FAF1: variants seen among roughly 807,000 people sequenced by gnomAD.
FAF1 encodes the protein FAS-associated factor 1.
In FAF1, 25 loss-of-function variants were observed where a neutral mutation model predicts 92.5. That is an observed-to-expected ratio of 0.27 (90% confidence interval 0.20 to 0.38). The LOEUF (loss-of-function observed/expected upper bound fraction) is 0.38. Among genes scored for constraint, FAF1 ranks in the 10% least tolerant of loss-of-function variants. The probability of loss-of-function intolerance (pLI) is 1.00; values close to 1 mark genes in which losing one functional copy is unlikely to be tolerated. For missense variants in FAF1, 636 were observed against 793.3 expected (o/e 0.80, Z 2.38); for synonymous variants, 234 against 273.2 (o/e 0.86, Z 1.42).
chr1:50,750,358 A>G (rs1409246571), intron 4 of FAF1, among the ~76,000 whole-genome samples: 1 of 152,248 alleles, frequency 6.6e-6, no homozygotes, highest in Non-Finnish European at 1.5e-5. Flanking sequence ...AGCATGATAA[A>G]TAAGAATTTA....
intron 17 of FAF1, among the ~76,000 whole-genome samples, chr1:50,482,836 T>G (rs1012502448): frequency 6.6e-6 from 1 of 152,226 alleles, no homozygotes; most frequent in African/African-American, 2.4e-5. Context: ...TTTTGCTCAT[T>G]TTAATACTTG....
intron 2 of FAF1, among the ~76,000 whole-genome samples, chr1:50,847,160 G>A (rs1461183176): frequency 6.6e-6 from 1 of 152,150 alleles, no homozygotes; most frequent in Non-Finnish European, 1.5e-5. Flanking sequence ...ACCTGGGATT[G>A]TGAGTTAGTC....
intron 6 of FAF1, among the ~76,000 whole-genome samples, chr1:50,726,885 A>G (rs559002360): frequency 6.6e-6 from 1 of 152,358 alleles, no homozygotes; most frequent in Non-Finnish European, 1.5e-5. Context: ...AGACATTTTC[A>G]TCACTTACTA....
At chr1:50,889,103 G>A (rs1644696392) in intron 1 of FAF1, among the ~76,000 whole-genome samples, 1 of 152,194 alleles carries the variant, frequency 6.6e-6, no homozygotes, top group African/African-American at 2.4e-5. Context: ...GAGGGTGTAT[G>A]TATCGAGGAA....
At chr1:50,771,023 T>C (rs1660756611) in intron 4 of FAF1, among the ~76,000 whole-genome samples, 2 of 152,198 alleles carry the variant, frequency 1.3e-5, no homozygotes, top group South Asian at 2.1e-4. Flanking sequence ...ATTCAATAAA[T>C]GGTGTTGGGG....
intron 7 of FAF1, among the ~76,000 whole-genome samples, chr1:50,661,305 C>T (rs370774322): frequency 1.4e-3 from 217 of 152,232 alleles, no homozygotes; most frequent in African/African-American, 5.0e-3. Context: ...CAGAACGCTA[C>T]TGTGATATAG....
intron 6 of FAF1, among the ~76,000 whole-genome samples, chr1:50,722,627 C>T (rs557760537): frequency 7.3e-5 from 10 of 136,240 alleles, no homozygotes; most frequent in African/African-American, 1.4e-4. Context: ...CCAGCCTGGG[C>T]GACAGAGAGC....
chr1:50,513,623 A>G (rs1647167471), intron 15 of FAF1, among the ~76,000 whole-genome samples: 1 of 152,200 alleles, frequency 6.6e-6, no homozygotes, highest in Non-Finnish European at 1.5e-5. Context: ...ACCATTAACT[A>G]AGTAAGTATT....
At chr1:50,575,190 G>A (rs1050743371) in intron 12 of FAF1, among the ~76,000 whole-genome samples, 3 of 152,186 alleles carry the variant, frequency 2.0e-5, no homozygotes, top group Non-Finnish European at 4.4e-5. Context: ...TTACAGGCGT[G>A]AGCCACTGCG....
chr1:50,739,327 TGTGTACAC>T (rs1027395915), intron 5 of FAF1, among the ~76,000 whole-genome samples: 4 of 152,140 alleles, frequency 2.6e-5, no homozygotes, highest in African/African-American at 7.2e-5. Context: ...CATGTGTACA[TGTGTACAC>T]GTACATGCAT....
chr1:50,923,227 T>C (rs910148988), intron 1 of FAF1, among the ~76,000 whole-genome samples: 2 of 152,114 alleles, frequency 1.3e-5, no homozygotes, highest in Non-Finnish European at 2.9e-5. Context: ...ATGACCGGCC[T>C]GGGCAATATA....
intron 15 of FAF1, among the ~76,000 whole-genome samples, chr1:50,516,857 G>A (rs924157544): frequency 3.3e-5 from 5 of 152,170 alleles, no homozygotes; most frequent in Non-Finnish European, 7.4e-5. Flanking sequence ...ACTTTGGATT[G>A]GTTGCAAAGT....
chr1:50,553,084 C>A (rs1649389010), intron 13 of FAF1, among the ~76,000 whole-genome samples: 1 of 151,884 alleles, frequency 6.6e-6, no homozygotes, highest in Admixed American at 6.6e-5. Context: ...ACCTCAAAAT[C>A]TAAACAGGAT....
intron 1 of FAF1, among the ~76,000 whole-genome samples, chr1:50,863,749 T>A (rs1644455462): frequency 6.6e-6 from 1 of 152,022 alleles, no homozygotes; most frequent in Non-Finnish European, 1.5e-5. Context: ...CCTCTTTTTC[T>A]ATTGATTGGA....
At chr1:50,620,650 T>C (rs1418731622) in intron 8 of FAF1, among the ~76,000 whole-genome samples, 3 of 152,236 alleles carry the variant, frequency 2.0e-5, no homozygotes, top group African/African-American at 7.2e-5. Context: ...CGAGAGTTCT[T>C]GTGTTGATTC....
At chr1:50,618,217 T>C (rs1653018370) in intron 8 of FAF1, among the ~76,000 whole-genome samples, 1 of 152,088 alleles carries the variant, frequency 6.6e-6, no homozygotes, top group Non-Finnish European at 1.5e-5. Flanking sequence ...TTTTAGTTTT[T>C]TTAGGTTTAA....
chr1:50,847,392 C>CA (rs756599456), intron 2 of FAF1, among the ~76,000 whole-genome samples: 7 of 125,660 alleles, frequency 5.6e-5, no homozygotes, highest in African/African-American at 1.5e-4. Context: ...GTAATTACAG[C>CA]AAAAAAAGAT....
chr1:50,501,736 A>T (rs139791650), intron 15 of FAF1, among the ~76,000 whole-genome samples: 5 of 152,258 alleles, frequency 3.3e-5, no homozygotes, highest in African/African-American at 1.2e-4. Flanking sequence ...TCTCTTATAC[A>T]CTGCTGTTGG....
chr1:50,573,109 CTTT>C, intron 12 of FAF1, among the ~76,000 whole-genome samples: 1 of 143,162 alleles, frequency 7.0e-6, no homozygotes, highest in Admixed American at 7.0e-5. Context: ...TTTTTCTTTT[CTTT>C]TTTTTTTTTT....
Sources: allele counts gnomAD v4.1 joint callset (sites outside exome capture counted in the v4.1 genomes callset), GRCh38; gene constraint gnomAD v4.1.1; transcripts MANE v1.5; gene names NCBI Gene and HGNC (gene_info 2026-07-23, HGNC 2026-07-21).